PI4K2B: variants seen among roughly 807,000 people sequenced by gnomAD.
PI4K2B encodes the protein phosphatidylinositol 4-kinase type 2-beta.
PI4K2B carries 46 observed loss-of-function variants against 56.6 expected under a neutral mutation model. That is an observed-to-expected ratio of 0.81 (90% CI 0.64 to 1.04). The LOEUF (loss-of-function observed/expected upper bound fraction) is 1.04. Among genes scored for constraint, PI4K2B ranks in the 50% least tolerant of loss-of-function variants. PI4K2B has a pLI of 0.00. For missense variants in PI4K2B, 556 were observed against 607.7 expected (o/e 0.91, Z 0.89); for synonymous variants, 211 against 223.8 (o/e 0.94, Z 0.51).
rs1485509471 is a variant in PI4K2B at position 25,277,454 on chromosome 4, C to G, written c.*267C>G. 1 of 250,030 alleles carries G rather than the reference C, an allele frequency of 4.0e-6. No individual in the cohort carries two copies. The highest frequency in any genetic ancestry group is 7.4e-5 in the East Asian group (1 of 13,594). 15.5% of individuals were successfully genotyped at this position (250,030 alleles called of 1,614,324 possible). A position where few individuals can be genotyped will look rare whatever the true frequency, so the allele number is the denominator to read the frequency against. Reference sequence around the variant, plus strand: ...GTTGTTAGTTTAAAAGGTAATTTTACACATGCTGGAATGACTGTAATTACT... The same window carrying G: ...GTTGTTAGTTTAAAAGGTAATTTTAGACATGCTGGAATGACTGTAATTACT... On this transcript the variant is annotated 3_prime_UTR_variant, in exon 10 of 10. Coordinates refer to ENST00000264864, the MANE Select transcript of PI4K2B (RefSeq NM_018323.4).
intron 1 of PI4K2B, among the ~76,000 whole-genome samples, chr4:25,246,395 A>G (rs1050834420): frequency 6.6e-6 from 1 of 152,202 alleles, no homozygotes; most frequent in African/African-American, 2.4e-5. Flanking sequence ...AGCTAGACAC[A>G]AAAGTTCTCC....
chr4:25,243,761 G>A (rs952717221), intron 1 of PI4K2B, among the ~76,000 whole-genome samples: 7 of 152,154 alleles, frequency 4.6e-5, no homozygotes, highest in Non-Finnish European at 7.3e-5. Flanking sequence ...CTGAGTTATG[G>A]TGGACATCAT....
intron 1 of PI4K2B, among the ~76,000 whole-genome samples, chr4:25,245,373 A>C (rs181217770): frequency 6.6e-6 from 1 of 152,250 alleles, no homozygotes; most frequent in Admixed American, 6.5e-5. Context: ...AAGGGTCAGG[A>C]TAGATAGGAT....
Position 25,276,904 on chromosome 4 carries a change from C to T in PI4K2B, c.1273-110C>T, listed in dbSNP as rs75313284. ...GTACTTATCTTCACAGTCTCTGTTG[C>T]TCATAAATGGATGAAATAAAAATTA... On this transcript the variant is annotated intron_variant, in intron 9 of 9. Transcript: ENST00000264864. The T allele has an allele frequency of 4.0e-3, 5,558 of 1,394,716 alleles. 120 individuals carry two copies. The African/African-American group carries it at 0.052, about 13-fold the overall frequency. 86.4% of individuals were successfully genotyped at this position (1,394,716 alleles called of 1,614,324 possible). A position where few individuals can be genotyped will look rare whatever the true frequency, so the allele number is the denominator to read the frequency against.
At chr4:25,246,312 C>T (rs548678997) in intron 1 of PI4K2B, among the ~76,000 whole-genome samples, 116 of 152,138 alleles carry the variant, frequency 7.6e-4, no homozygotes, top group South Asian at 3.5e-3. Flanking sequence ...TACAGAGCGC[C>T]GATTGGTCTG....
chr4:25,238,895 C>T (rs532147882), intron 1 of PI4K2B, among the ~76,000 whole-genome samples: 1 of 152,266 alleles, frequency 6.6e-6, no homozygotes, highest in Non-Finnish European at 1.5e-5. Context: ...CTGGCCCCAC[C>T]CACATCCTGC....
chr4:25,270,979 A>C (rs976979494), intron 9 of PI4K2B, among the ~76,000 whole-genome samples: 1 of 152,210 alleles, frequency 6.6e-6, no homozygotes, highest in East Asian at 1.9e-4. Context: ...TGACAGAACT[A>C]GTGCTGGCAA....
intron 1 of PI4K2B, among the ~76,000 whole-genome samples, chr4:25,241,191 A>G (rs62411605): frequency 0.15 from 22,544 of 152,276 alleles, 1,758 homozygotes; most frequent in East Asian, 0.3. Context: ...TGCTATCTGT[A>G]TACACATTTA....
At chr4:25,242,480 G>A (rs1408690443) in intron 1 of PI4K2B, among the ~76,000 whole-genome samples, 1 of 152,216 alleles carries the variant, frequency 6.6e-6, no homozygotes, top group Non-Finnish European at 1.5e-5. Context: ...GCATACTTGA[G>A]GTCCAGAACC....
At chr4:25,234,879 G>T (rs1048196273) in intron 1 of PI4K2B, among the ~76,000 whole-genome samples, 5 of 152,232 alleles carry the variant, frequency 3.3e-5, no homozygotes, top group African/African-American at 1.2e-4. Flanking sequence ...TGCCACTGGG[G>T]CACGTTTCAA....
chr4:25,272,312 G>A (rs1174562525), intron 9 of PI4K2B, among the ~76,000 whole-genome samples: 1 of 152,130 alleles, frequency 6.6e-6, no homozygotes, highest in African/African-American at 2.4e-5. Context: ...ATATGAAGAT[G>A]ACAGGGTCAA....
intron 4 of PI4K2B, 73 bp from the exon 5 acceptor site, chr4:25,258,964 C>T (rs957348017): frequency 9.0e-5 from 66 of 732,522 alleles, no homozygotes; most frequent in Non-Finnish European, 5.5e-5. Flanking sequence ...TTTGACAGTA[C>T]TGCTGAGAAA....
At chr4:25,256,828 T>C (rs149485164) in intron 4 of PI4K2B, among the ~76,000 whole-genome samples, 154 bp downstream of exon 4, 2 of 151,900 alleles carry the variant, frequency 1.3e-5, no homozygotes, top group Non-Finnish European at 2.9e-5. Context: ...TAGTGTAATA[T>C]AAAGCTGTTG....
intron 9 of PI4K2B, among the ~76,000 whole-genome samples, chr4:25,275,705 G>A (rs1717067990): frequency 6.6e-6 from 1 of 152,028 alleles, no homozygotes; most frequent in Admixed American, 6.6e-5. Flanking sequence ...GTTAAGGGAA[G>A]AACTTAAAAG....
Position 25,258,213 on chromosome 4 carries a change from C to CTTTTT in PI4K2B, c.757-814_757-810dup, listed in dbSNP as rs545122643. Among the ~76,000 whole-genome samples the CTTTTT allele has an allele frequency of 8.4e-5, 10 of 119,036 alleles. 1 individual carries two copies. Among genetic ancestry groups the CTTTTT allele is most frequent in the South Asian group, 2.7e-4 (1 of 3,686 alleles). The allele number at this position is 119,036 out of a possible 152,430, so 78.1% of individuals were successfully genotyped here. ...AATCTGTGTGGTTAAGGAATCTGTC[C>CTTTTT]TTTTTTTTTTTTTTGAGACAGTCTC... On this transcript the variant is annotated intron_variant, in intron 4 of 9. Transcript: ENST00000264864.
At chr4:25,251,252 T>C (rs1419845378) in intron 1 of PI4K2B, among the ~76,000 whole-genome samples, 1 of 152,116 alleles carries the variant, frequency 6.6e-6, no homozygotes, top group Non-Finnish European at 1.5e-5. Flanking sequence ...TATTTTGTGA[T>C]TGCTGCTTAT....
At chr4:25,241,554 G>A (rs182302087) in intron 1 of PI4K2B, among the ~76,000 whole-genome samples, 1 of 152,302 alleles carries the variant, frequency 6.6e-6, no homozygotes, top group South Asian at 2.1e-4. Flanking sequence ...GTAGCACCTG[G>A]TATCTAAGTA....
At chr4:25,249,287 G>A (rs1017877022) in intron 1 of PI4K2B, among the ~76,000 whole-genome samples, 4 of 152,046 alleles carry the variant, frequency 2.6e-5, no homozygotes, top group Admixed American at 6.5e-5. Context: ...CGACAAAACC[G>A]CCATCGTCAT....
intron 1 of PI4K2B, 57 bp from the exon 2 acceptor site, chr4:25,252,264 G>C: frequency 7.8e-7 from 1 of 1,285,578 alleles, no homozygotes; most frequent in Non-Finnish European, 1.1e-6. Context: ...CAAGCTAATC[G>C]ATATTACAGG....
Sources: allele counts gnomAD v4.1 joint callset (sites outside exome capture counted in the v4.1 genomes callset), GRCh38; gene constraint gnomAD v4.1.1; transcripts MANE v1.5; gene names NCBI Gene and HGNC (gene_info 2026-07-23, HGNC 2026-07-21).